Variants in IQCM observed in about 807,000 individuals in gnomAD.
IQCM encodes IQ motif containing M, also known as IQ domain-containing protein M.
Under a neutral mutation model 57.6 loss-of-function variants are expected in IQCM, and 45 were observed. The observed-to-expected ratio is 0.78, with a 90% CI of 0.62 to 1.00. The LOEUF (loss-of-function observed/expected upper bound fraction) is 1.00. Ranked by LOEUF, IQCM falls within the 50% of genes least tolerant of loss-of-function variation. The pLI is 0.00. For synonymous variants in IQCM, 148 were observed against 158.9 expected, an observed-to-expected ratio of 0.93 and a Z score of 0.51; for missense variants, 468 against 511.6, an observed-to-expected ratio of 0.91 and a Z score of 0.82.
chr4:149,449,108 A>G (rs1200178402), intron 12 of IQCM, among the ~76,000 whole-genome samples: 1 of 151,122 alleles, frequency 6.6e-6, no homozygotes, highest in Non-Finnish European at 1.5e-5. Flanking sequence ...ACAAAATAAA[A>G]TAAAATAGAT....
At chr4:149,788,273 G>T (rs1772255877) in intron 2 of IQCM, among the ~76,000 whole-genome samples, 1 of 152,220 alleles carries the variant, frequency 6.6e-6, no homozygotes. Flanking sequence ...GGCAGAGGTT[G>T]CAGTGAGCTG....
chr4:149,654,474 C>A (rs1438498384), intron 7 of IQCM, among the ~76,000 whole-genome samples: 1 of 152,132 alleles, frequency 6.6e-6, no homozygotes, highest in Non-Finnish European at 1.5e-5. Context: ...TTTTACCATG[C>A]AACATGCAAG....
At chr4:149,568,062 G>A (rs1750798818) in intron 9 of IQCM, among the ~76,000 whole-genome samples, 1 of 152,060 alleles carries the variant, frequency 6.6e-6, no homozygotes, top group Admixed American at 6.6e-5. Flanking sequence ...GGCACATCCT[G>A]GGGCTATAAA....
intron 12 of IQCM, among the ~76,000 whole-genome samples, chr4:149,513,443 C>A (rs1744624339): frequency 6.6e-6 from 1 of 151,890 alleles, no homozygotes; most frequent in African/African-American, 2.4e-5. Context: ...AAAGAAGGAC[C>A]ACATTTATCC....
chr4:149,388,610 G>A (rs1243217684), intron 13 of IQCM, among the ~76,000 whole-genome samples: 1 of 118,868 alleles, frequency 8.4e-6, no homozygotes, highest in Non-Finnish European at 1.8e-5. Context: ...ACATATATAG[G>A]CAAAGAATAT....
At chr4:149,685,855 T>C (rs1436094345) in intron 6 of IQCM, among the ~76,000 whole-genome samples, 1 of 151,514 alleles carries the variant, frequency 6.6e-6, no homozygotes, top group East Asian at 1.9e-4. Context: ...TGATGCTATT[T>C]CATGCAATAA....
At chr4:149,521,806 G>A (rs1424489544) in intron 12 of IQCM, among the ~76,000 whole-genome samples, 1 of 152,158 alleles carries the variant, frequency 6.6e-6, no homozygotes, top group East Asian at 1.9e-4. Flanking sequence ...CTCTCCCACT[G>A]CCATCCAACT....
chr4:149,726,122 AG>A, intron 5 of IQCM, among the ~76,000 whole-genome samples: 1 of 149,410 alleles, frequency 6.7e-6, no homozygotes, highest in East Asian at 1.9e-4. Flanking sequence ...AAAGAAAGAA[AG>A]AAAGAAAGAA....
intron 13 of IQCM, among the ~76,000 whole-genome samples, chr4:149,395,735 A>G (rs980688169): frequency 2.0e-5 from 3 of 152,028 alleles, no homozygotes; most frequent in Non-Finnish European, 4.4e-5. Flanking sequence ...TGGGAACAAT[A>G]AAGTGCTATG....
At chr4:149,645,249 C>T (rs1758536743) in intron 7 of IQCM, among the ~76,000 whole-genome samples, 1 of 152,056 alleles carries the variant, frequency 6.6e-6, no homozygotes, top group South Asian at 2.1e-4. Flanking sequence ...TGATTTCACT[C>T]CTTTATTTGA....
chr4:149,723,781 A>G (rs1347325294), intron 5 of IQCM, among the ~76,000 whole-genome samples: 1 of 152,024 alleles, frequency 6.6e-6, no homozygotes, highest in African/African-American at 2.4e-5. Context: ...TGGCTTTGGT[A>G]CCAGGGTGAT....
At chr4:149,367,953 CTCAATATCTTTTACCTA>C (rs1368710958) in intron 13 of IQCM, among the ~76,000 whole-genome samples, 15 of 151,888 alleles carry the variant, frequency 9.9e-5, no homozygotes, top group Non-Finnish European at 2.1e-4. Context: ...CGAATGGTTC[CTCAATATCTTTTACCTA>C]TTTTGCTATT....
intron 13 of IQCM, among the ~76,000 whole-genome samples, chr4:149,399,892 A>G (rs938562835): frequency 1.3e-5 from 2 of 152,052 alleles, no homozygotes; most frequent in Non-Finnish European, 1.5e-5. Context: ...CCTTTTTGAG[A>G]GAGTATATGA....
At chr4:149,744,169 T>A (rs1767711730) in intron 2 of IQCM, among the ~76,000 whole-genome samples, 1 of 152,186 alleles carries the variant, frequency 6.6e-6, no homozygotes, top group South Asian at 2.1e-4. Flanking sequence ...GGTACAGTTT[T>A]AAAATAGCAA....
chr4:149,757,168 G>A (rs1769049431), intron 2 of IQCM, among the ~76,000 whole-genome samples: 1 of 152,058 alleles, frequency 6.6e-6, no homozygotes, highest in South Asian at 2.1e-4. Context: ...TGAGGCAGGA[G>A]AATGGCATGA....
At chr4:149,620,451 C>T (rs919822988) in intron 8 of IQCM, among the ~76,000 whole-genome samples, 64 of 152,160 alleles carry the variant, frequency 4.2e-4, no homozygotes, top group African/African-American at 1.2e-3. Context: ...TATTCACACA[C>T]ACAACAGAAC....
intron 12 of IQCM, among the ~76,000 whole-genome samples, chr4:149,450,099 A>G (rs1421849981): frequency 1.3e-5 from 2 of 151,822 alleles, no homozygotes; most frequent in Non-Finnish European, 2.9e-5. Flanking sequence ...CCAAGAACAT[A>G]TACTGGGGAA....
At chr4:149,531,034 CT>C (rs1177928857) in intron 12 of IQCM, among the ~76,000 whole-genome samples, 1 of 152,006 alleles carries the variant, frequency 6.6e-6, no homozygotes, top group Non-Finnish European at 1.5e-5. Context: ...TTAAGAAAAA[CT>C]TCCATACTTC....
At chr4:149,490,030 A>T (rs913896968) in intron 12 of IQCM, among the ~76,000 whole-genome samples, 1 of 152,012 alleles carries the variant, frequency 6.6e-6, no homozygotes, top group Non-Finnish European at 1.5e-5. Context: ...CATTTTACTG[A>T]TGCTAGCTCT....
Sources: gnomAD v4.1 joint callset for allele counts (sites outside exome capture counted in the v4.1 genomes callset) on GRCh38, gnomAD v4.1.1 for gene constraint, MANE v1.5 for transcripts, NCBI Gene and HGNC (gene_info 2026-07-23, HGNC 2026-07-21) for gene names.